The following ROBO4 variants were observed in gnomAD, a reference collection of about 807,000 sequenced individuals.
ROBO4 encodes roundabout homolog 4.
Under a neutral mutation model 103.3 loss-of-function variants are expected in ROBO4, and 80 were observed. That is an observed-to-expected ratio of 0.77 (90% CI 0.65 to 0.93). The LOEUF (loss-of-function observed/expected upper bound fraction) is 0.93. Ranked by LOEUF, ROBO4 falls within the 40% of genes least tolerant of loss-of-function variation. ROBO4 has a pLI of 0.00. For missense variants in ROBO4, 1,333 were observed against 1,305.3 expected, an observed-to-expected ratio of 1.02 and a Z score of -0.33; for synonymous variants, 504 against 529.7, an observed-to-expected ratio of 0.95 and a Z score of 0.67.
Position 124,885,021 on chromosome 11 carries a change from C to T in ROBO4, c.3001+20G>A. ...CCTCTGGTCAAGATGAACACATTAG[C>T]CAGGAAGACAGACACTCACCACCAG... On this transcript the variant is annotated intron_variant, in intron 17 of 17. Transcript: ENST00000306534. 1 of 1,613,918 alleles carries T rather than the reference C, an allele frequency of 6.2e-7. No homozygotes were observed.
intron 3 of ROBO4, 29 bp downstream of exon 3, chr11:124,896,484 T>A (rs1296743563): frequency 6.2e-7 from 1 of 1,609,842 alleles, no homozygotes. Context: ...CAGGCCAGGA[T>A]GAAGTGTGGG....
At position 124,885,213 on chromosome 11, in the gene ROBO4, G is replaced by T. The variant is rs1265166969; in HGVS notation, c.2829C>A (p.Ile943=). ...GCAGGGAGAGGTTGGGGGTCAGGAA[G>T]ATCTCATCCCGTGGGGAGGGAGGTG... ...ASSPPSPRDE[I]FLTPNLSLPL... Residue 943 remains isoleucine, a synonymous_variant, in exon 17 of 18, where the codon ATC becomes ATA. Transcript: ENST00000306534. 1 of 1,613,366 alleles carries T rather than the reference G, an allele frequency of 6.2e-7. No homozygotes were observed. The highest frequency in any genetic ancestry group is 1.3e-5 in the African/African-American group (1 of 75,064).
chr11:124,887,922 C>A lies in ROBO4; in HGVS notation c.1949-82G>T, dbSNP rs148415408. 1,615 of 1,147,244 alleles carry A rather than the reference C, an allele frequency of 1.4e-3. 24 individuals carry two copies. The African/African-American group carries it at 0.023, about 16-fold the overall frequency. 71.1% of individuals were successfully genotyped at this position (1,147,244 alleles called of 1,614,324 possible). A position where few individuals can be genotyped will look rare whatever the true frequency, so the allele number is the denominator to read the frequency against. ...TGCTGGCTCTATCTTCAGCCTTATTCAATTCAGCCTGCACGACCCTGAACC... is the reference window on the plus strand; with the variant it reads ...TGCTGGCTCTATCTTCAGCCTTATTAAATTCAGCCTGCACGACCCTGAACC... On this transcript the variant is annotated intron_variant, in intron 12 of 17. Coordinates refer to ENST00000306534, the MANE Select transcript of ROBO4 (RefSeq NM_019055.6).
chr11:124,888,740 C>T (rs1946755905), intron 12 of ROBO4, among the ~76,000 whole-genome samples: 1 of 152,136 alleles, frequency 6.6e-6, no homozygotes, highest in Non-Finnish European at 1.5e-5. Flanking sequence ...AGAGACAGCC[C>T]TAACTATGTG....
intron 12 of ROBO4, 96 bp downstream of exon 12, chr11:124,891,203 C>T (rs571223021): frequency 1.3e-5 from 18 of 1,388,490 alleles, no homozygotes; most frequent in African/African-American, 7.2e-5. Context: ...GGAGGTTGCA[C>T]GCCCCTCCAG....
At chr11:124,891,610 C>T in intron 11 of ROBO4, 48 bp from the exon 12 acceptor site, 1 of 1,614,224 alleles carries the variant, frequency 6.2e-7, no homozygotes. Context: ...GTCCTGCTTT[C>T]CATCCCTGAG....
intron 16 of ROBO4, 123 bp from the exon 17 acceptor site, chr11:124,885,370 A>G (rs913217243): frequency 8.3e-6 from 6 of 719,580 alleles, no homozygotes; most frequent in Non-Finnish European, 1.4e-5. Context: ...CCTAACCCCA[A>G]CTCAGCCCAT....
rs1217762696 is a variant in ROBO4 at position 124,895,212 on chromosome 11, G to A, written c.1037-19C>T. On this transcript the variant is annotated intron_variant, in intron 6 of 17. Coordinates refer to ENST00000306534, the MANE Select transcript of ROBO4 (RefSeq NM_019055.6). ...CTGGGCACTGGAGGGGTGGAAGAGA[G>A]ACTATGAGGGGCTCTGAGGGAGAGG... The A allele has an allele frequency of 6.4e-7, 1 of 1,570,304 alleles. No individual in the cohort carries two copies. Among genetic ancestry groups the A allele is most frequent in the Non-Finnish European group, 8.8e-7 (1 of 1,140,648 alleles).
In ROBO4 at chr11:124,897,266, G is replaced by A. The variant is rs1229942634; in HGVS notation, c.71-5C>T. The A allele has an allele frequency of 3.5e-6, 5 of 1,433,968 alleles. No individual in the cohort carries two copies. Among genetic ancestry groups the A allele is most frequent in the Non-Finnish European group, 4.6e-6 (5 of 1,094,950 alleles). 88.8% of individuals were successfully genotyped at this position (1,433,968 alleles called of 1,614,324 possible). A position where few individuals can be genotyped will look rare whatever the true frequency, so the allele number is the denominator to read the frequency against. On this transcript the variant is annotated splice_polypyrimidine_tract_variant and splice_region_variant and intron_variant, in intron 1 of 17. Coordinates refer to ENST00000306534, the MANE Select transcript of ROBO4 (RefSeq NM_019055.6). ...GGGAGTCCTGAGCCATGCCTCCTGG[G>A]AGGGAAAGGGAGCAGAGCCCAGTCT...
chr11:124,892,347 C>G, intron 10 of ROBO4: 1 of 306,864 alleles, frequency 3.3e-6, no homozygotes. Flanking sequence ...GGGATCTGAG[C>G]AAGGAGCTTC....
rs1487938256 is a variant in ROBO4, at chr11:124,887,070, G to C, written c.2342C>G (p.Ser781Ter). ...SPASSRLSSS[S>*]LSSLGEDQDS... ...TTGATCCTCCCCCAGGGATGACAGT[G>C]AGGAGCTGGACAGGCGACTGGAAGC... is the stretch of plus-strand genomic sequence containing the variant. Residue 781 changes from serine (S) to a stop codon, truncating the protein, a stop_gained, in exon 15 of 18, where the codon TCA becomes TGA. Coordinates refer to ENST00000306534, the MANE Select transcript of ROBO4 (RefSeq NM_019055.6). LOFTEE classifies it high-confidence loss of function. 17 of 1,613,896 alleles carry C rather than the reference G, an allele frequency of 1.1e-5. 1 individual carries two copies. The South Asian group carries it at 1.9e-4, about 18-fold the overall frequency.
At chr11:124,886,378 AGTT>A in intron 16 of ROBO4, 83 bp downstream of exon 16, 1 of 1,002,750 alleles carries the variant, frequency 1.0e-6, no homozygotes, top group Middle Eastern at 2.2e-4. Context: ...CAATAAAACT[AGTT>A]GTTTTAACAA....
At chr11:124,888,096 G>A (rs1253321994) in intron 12 of ROBO4, among the ~76,000 whole-genome samples, 1 of 152,228 alleles carries the variant, frequency 6.6e-6, no homozygotes, top group Non-Finnish European at 1.5e-5. Context: ...GTACCTTTCT[G>A]AGTCTCAGTT....
At position 124,887,838 on chromosome 11, in the gene ROBO4, G is replaced by T. The variant is rs761947550; in HGVS notation, c.1951C>A (p.Leu651Met). 9 of 1,611,822 alleles carry T rather than the reference G, an allele frequency of 5.6e-6. 1 individual carries two copies. In the Middle Eastern group the frequency reaches 1.3e-3, roughly 237 times the overall value. ...EAWKAKKKQE[L>M]QHANSSPLLR... ...AGTGGGGAACTGTTGGCATGCTGCA[G>T]CTCTGCAAAGAAAGGGTTGGTGGTT... Residue 651 changes from leucine (L) to methionine (M), a missense_variant and splice_region_variant, in exon 13 of 18, where the codon CTG (leucine) becomes ATG (methionine). Transcript: ENST00000306534.
chr11:124,891,551 C>T lies in ROBO4; in HGVS notation c.1696G>A (p.Asp566Asn), dbSNP rs1439990266. The change falls in exon 12 of 18, where the codon GAC becomes AAC. Residue 566 changes from aspartate to asparagine, a missense_variant. Transcript: ENST00000306534. ...LDCRRSLLSW[D>N]SRSPGVPLLP... ...AGGGGCACGCCGGGGCTTCGGGAGT[C>T]CCAGGAGAGCACTGTGACATAAATG... 7 of 1,614,060 alleles carry T rather than the reference C, an allele frequency of 4.3e-6. No homozygotes were observed. The African/African-American group carries it at 5.3e-5, about 12-fold the overall frequency.
intron 15 of ROBO4, 42 bp downstream of exon 15, chr11:124,886,935 C>A: frequency 6.4e-7 from 1 of 1,571,026 alleles, no homozygotes; most frequent in African/African-American, 1.4e-5. Flanking sequence ...CTTGCCCCCA[C>A]AGCTTTTCTG....
rs1183648083 is a variant in ROBO4 at position 124,887,197 on chromosome 11, G to A, written c.2215C>T (p.Gln739Ter). ...SQQTQPPVAP[Q>*]APSSILLPAA... ...GGCAGCAGGATGGAGGAGGGAGCCT[G>A]TGGTGCCACCGGAGGCCTGATTTGC... Residue 739 changes from glutamine (Q) to a stop codon, truncating the protein, a stop_gained, in exon 15 of 18, where the codon CAG (glutamine) becomes TAG (stop). Transcript: ENST00000306534. LOFTEE classifies it high-confidence loss of function. 1 of 1,595,648 alleles carries A rather than the reference G, an allele frequency of 6.3e-7. No homozygotes were observed. The highest frequency in any genetic ancestry group is 8.5e-7 in the Non-Finnish European group (1 of 1,169,710).
intron 12 of ROBO4, 59 bp downstream of exon 12, chr11:124,891,240 T>C (rs1001287417): frequency 2.9e-5 from 43 of 1,494,724 alleles, no homozygotes; most frequent in Non-Finnish European, 3.8e-5. Flanking sequence ...CCCATCACAT[T>C]CCCATTCCTG....
chr11:124,884,968 G>A, intron 17 of ROBO4, 55 bp from the exon 18 acceptor site: 3 of 1,613,972 alleles, frequency 1.9e-6, no homozygotes, highest in Non-Finnish European at 2.5e-6. Context: ...CCCAGTGCCA[G>A]GCTTCCTCCT....
Sources: allele counts gnomAD v4.1 joint callset (sites outside exome capture counted in the v4.1 genomes callset), GRCh38; gene constraint gnomAD v4.1.1; transcripts MANE v1.5; gene names NCBI Gene and HGNC (gene_info 2026-07-23, HGNC 2026-07-21).